The following PCDH9 variants were observed in gnomAD, a reference collection of about 807,000 sequenced individuals.
PCDH9 encodes the protein protocadherin 9, also known as protocadherin-9.
A neutral mutation model predicts 70.6 loss-of-function variants in PCDH9; 24 were observed. That is an observed-to-expected ratio of 0.34 (90% CI 0.25 to 0.48). The LOEUF (loss-of-function observed/expected upper bound fraction) is 0.48, where lower values mean the gene tolerates loss of function less well. Among genes scored for constraint, PCDH9 ranks in the 20% least tolerant of loss-of-function variants. PCDH9 has a pLI of 0.99. For synonymous variants in PCDH9, 562 were observed against 558.5 expected (o/e 1.01, Z -0.09); for missense variants, 1,281 against 1,503.6 (o/e 0.85, Z 2.45).
intron 4 of PCDH9, among the ~76,000 whole-genome samples, chr13:66,576,069 T>TAAAAA (rs1239561008): frequency 0.04 from 4,197 of 105,846 alleles, 190 homozygotes; most frequent in African/African-American, 0.13. Flanking sequence ...TCACAGCAGA[T>TAAAAA]AAAAAAAAAA....
At chr13:67,187,749 A>T (rs1208731413) in intron 2 of PCDH9, among the ~76,000 whole-genome samples, 1 of 152,014 alleles carries the variant, frequency 6.6e-6, no homozygotes, top group Non-Finnish European at 1.5e-5. Context: ...GACAAAGTGA[A>T]TTTTTTTAAT....
At chr13:67,180,764 G>T (rs192864914) in intron 2 of PCDH9, among the ~76,000 whole-genome samples, 495 of 152,158 alleles carry the variant, frequency 3.3e-3, no homozygotes, top group Middle Eastern at 6.8e-3. Context: ...GGAAGATTAG[G>T]TCAATTGGCA....
intron 4 of PCDH9, among the ~76,000 whole-genome samples, chr13:66,366,761 A>C (rs1010346839): frequency 6.6e-6 from 1 of 152,102 alleles, no homozygotes; most frequent in Non-Finnish European, 1.5e-5. Flanking sequence ...TTAGCTGATA[A>C]AAATAGTAAA....
chr13:66,387,942 T>C (rs1956957435), intron 4 of PCDH9, among the ~76,000 whole-genome samples: 1 of 152,172 alleles, frequency 6.6e-6, no homozygotes, highest in Non-Finnish European at 1.5e-5. Context: ...ATAAATTAAA[T>C]AGATTTAGAT....
intron 4 of PCDH9, among the ~76,000 whole-genome samples, chr13:66,549,491 T>C (rs1183653248): frequency 6.6e-6 from 1 of 152,130 alleles, no homozygotes; most frequent in African/African-American, 2.4e-5. Flanking sequence ...CGTATCACAT[T>C]CCATACCTTC....
rs756365307 is a variant in PCDH9 at position 67,226,990 on chromosome 13, C to A, written c.1451G>T (p.Arg484Leu). 1 of 1,614,174 alleles carries A rather than the reference C, an allele frequency of 6.2e-7. No individual in the cohort carries two copies. The highest frequency in any genetic ancestry group is 8.5e-7 in the Non-Finnish European group (1 of 1,180,036). Residue 484 changes from arginine to leucine, a missense_variant, in exon 2 of 5, where the codon CGT becomes CTT. This residue lies in a region of PCDH9 where 798 missense variants were observed against 1,003.1 expected (regional missense o/e 0.80). Transcript: ENST00000377865. This position sits in a 1 kb window ranked among gnomAD's most constrained non-coding sequence, Gnocchi z 5.0. ...ACTAATAGTTGTTAAGTATAACCCA[C>A]GTCGGTTGTTTTCAGAAACTGACAG... ...IELSVSENNR[R>L]GLYLTTISAT...
chr13:67,145,099 C>A (rs1267866004), intron 2 of PCDH9, among the ~76,000 whole-genome samples: 1 of 152,030 alleles, frequency 6.6e-6, no homozygotes, highest in Non-Finnish European at 1.5e-5. Context: ...AAAGTCCTTT[C>A]TTTTTCTTCC....
intron 3 of PCDH9, among the ~76,000 whole-genome samples, chr13:66,897,503 A>G (rs1469372964): frequency 6.6e-6 from 1 of 152,158 alleles, no homozygotes; most frequent in Non-Finnish European, 1.5e-5. Flanking sequence ...AAGCAGAGAC[A>G]TGTAGTAGAG....
At chr13:66,506,318 G>T (rs979209500) in intron 4 of PCDH9, among the ~76,000 whole-genome samples, 1 of 152,058 alleles carries the variant, frequency 6.6e-6, no homozygotes, top group South Asian at 2.1e-4. Context: ...AATCCTGAAC[G>T]TTTTCTGTGA....
intron 2 of PCDH9, among the ~76,000 whole-genome samples, chr13:67,038,405 A>C (rs1467126031): frequency 6.6e-6 from 1 of 152,214 alleles, no homozygotes; most frequent in Non-Finnish European, 1.5e-5. Flanking sequence ...AGTGATGACA[A>C]ACATAAATAC....
At chr13:67,021,900 C>G (rs773449911) in intron 2 of PCDH9, among the ~76,000 whole-genome samples, 4 of 151,642 alleles carry the variant, frequency 2.6e-5, no homozygotes, top group Non-Finnish European at 5.9e-5. Context: ...TGTTTTTTCT[C>G]TATGTGTATA....
At chr13:66,485,252 C>T (rs561457549) in intron 4 of PCDH9, among the ~76,000 whole-genome samples, 4 of 152,286 alleles carry the variant, frequency 2.6e-5, no homozygotes, top group African/African-American at 9.6e-5. Flanking sequence ...TGATGGAAAA[C>T]CTCATCAAGG....
chr13:66,717,500 T>A (rs2078886423), intron 3 of PCDH9, among the ~76,000 whole-genome samples: 2 of 128,622 alleles, frequency 1.6e-5, no homozygotes, highest in East Asian at 2.2e-4. Context: ...TATATATATA[T>A]ATATATATGT....
intron 2 of PCDH9, among the ~76,000 whole-genome samples, chr13:66,904,782 T>C (rs1290089279): frequency 6.6e-6 from 1 of 152,028 alleles, no homozygotes; most frequent in African/African-American, 2.4e-5. Flanking sequence ...ATTTTATATA[T>C]TTAAATATAT....
intron 2 of PCDH9, among the ~76,000 whole-genome samples, chr13:67,078,117 C>T (rs1225614454): frequency 1.3e-5 from 2 of 152,086 alleles, no homozygotes; most frequent in East Asian, 3.9e-4. Flanking sequence ...CTCAAATTTC[C>T]TTCAAACCTG....
intron 3 of PCDH9, among the ~76,000 whole-genome samples, chr13:66,692,137 A>C (rs1455418184): frequency 6.6e-6 from 1 of 152,160 alleles, no homozygotes; most frequent in African/African-American, 2.4e-5. Flanking sequence ...ACATGGCATG[A>C]AGAAATTTTG....
At chr13:66,869,834 A>G (rs2081642320) in intron 3 of PCDH9, among the ~76,000 whole-genome samples, 1 of 152,142 alleles carries the variant, frequency 6.6e-6, no homozygotes, top group South Asian at 2.1e-4. Context: ...CTTAGTAGCT[A>G]AAAGACTGGG....
At chr13:66,444,278 G>A (rs1011575479) in intron 4 of PCDH9, among the ~76,000 whole-genome samples, 2 of 152,134 alleles carry the variant, frequency 1.3e-5, no homozygotes, top group South Asian at 4.1e-4. Context: ...TACTCTGTTG[G>A]CCAGTAATGG....
intron 2 of PCDH9, among the ~76,000 whole-genome samples, chr13:67,176,526 A>G (rs1427222806): frequency 6.6e-6 from 1 of 151,640 alleles, no homozygotes; most frequent in African/African-American, 2.4e-5. Flanking sequence ...AAAATAAACA[A>G]AAAAAAAACA....
Sources: allele counts gnomAD v4.1 joint callset (sites outside exome capture counted in the v4.1 genomes callset), GRCh38; gene constraint gnomAD v4.1.1; regional missense constraint gnomAD v4.1.1; non-coding constraint Gnocchi (gnomAD v3.1); transcripts MANE v1.5; gene names NCBI Gene and HGNC (gene_info 2026-07-23, HGNC 2026-07-21).